Variants in ZNF155 observed in about 807,000 individuals in gnomAD.
ZNF155 encodes zinc finger protein 155.
A neutral mutation model predicts 11.9 loss-of-function variants in ZNF155; 15 were observed. The ratio of observed to expected loss-of-function variants is 1.26; its 90% CI spans 0.84 to 1.94. ZNF155 has a LOEUF of 1.94. Ranked by LOEUF, ZNF155 falls within the 30% of genes most tolerant of loss-of-function variation. The pLI is 0.00. For missense variants in ZNF155, 602 were observed against 639.1 expected, an observed-to-expected ratio of 0.94 and a Z score of 0.63; for synonymous variants, 212 against 219.9, an observed-to-expected ratio of 0.96 and a Z score of 0.32.
chr19:43,996,769 G>A lies in ZNF155; in HGVS notation c.912G>A (p.Lys304=). The stretch of plus-strand genomic sequence containing the variant: ...CCTTCTATTTTAGGTCAAGACTTAA[G>A]AGCCATTCCATGGTTCACACAGGAG... The part of the protein sequence containing the change: ...GKTFYFRSRL[K]SHSMVHTGEK... The change falls in exon 5 of 5, where the codon AAG becomes AAA. Residue 304 remains lysine, a synonymous_variant. Transcript: ENST00000270014. 6.2e-7 allele frequency: 1 copy of A among 1,614,108 alleles called. No homozygotes were observed. The highest frequency in any genetic ancestry group is 8.5e-7 in the Non-Finnish European group (1 of 1,180,012).
intron 4 of ZNF155, 107 bp from the exon 5 acceptor site, chr19:43,995,986 A>G (rs900732354): frequency 1.6e-5 from 22 of 1,382,506 alleles, no homozygotes; most frequent in Non-Finnish European, 1.9e-5. Flanking sequence ...CAAACTGAAC[A>G]TTCTCTGTAT....
At chr19:43,991,421 C>G in intron 2 of ZNF155, 127 bp from the exon 3 acceptor site, 3 of 1,495,072 alleles carry the variant, frequency 2.0e-6, no homozygotes, top group Non-Finnish European at 2.7e-6. Context: ...TGGGAAATCT[C>G]TAAGTTGACC....
intron 4 of ZNF155, among the ~76,000 whole-genome samples, chr19:43,993,134 G>A (rs1477963849): frequency 6.6e-5 from 10 of 152,212 alleles, no homozygotes; most frequent in Admixed American, 6.5e-4. Flanking sequence ...CTAGAAGGGG[G>A]AAGAATGAGG....
In ZNF155 at chr19:43,997,152, A is replaced by G. The variant is rs1401603944; in HGVS notation, c.1295A>G (p.Glu432Gly). ...HSGEKPYKCEECGKGYVTKFN... is the reference protein window; with the variant it reads ...HSGEKPYKCEGCGKGYVTKFN... ...GGTGAAAAGCCATATAAATGTGAGG[A>G]GTGTGGGAAGGGCTATGTTACTAAG... The change falls in exon 5 of 5, where the codon GAG becomes GGG. Residue 432 changes from glutamate to glycine, a missense_variant. Coordinates refer to ENST00000270014, the MANE Select transcript of ZNF155 (RefSeq NM_198089.3). 2.5e-6 allele frequency: 4 copies of G among 1,614,174 alleles called. 1 individual carries two copies. In the South Asian group the frequency reaches 3.3e-5, roughly 13 times the overall value.
chr19:43,991,908 CAG>C lies in ZNF155; in HGVS notation c.210_211del (p.Ala71AsnfsTer14). 1 of 1,613,860 alleles carries C rather than the reference CAG, an allele frequency of 6.2e-7. No homozygotes were observed. The highest frequency in any genetic ancestry group is 8.5e-7 in the Non-Finnish European group (1 of 1,179,864). On this transcript the variant is annotated frameshift_variant, in exon 4 of 5. Coordinates refer to ENST00000270014, the MANE Select transcript of ZNF155 (RefSeq NM_198089.3). LOFTEE classifies it low-confidence loss of function (END_TRUNC). The stretch of plus-strand genomic sequence containing the variant: ...GAAGAAAAGTTTTGGATGATGGGGA[CAG>C]CAACCCAAAGAGAAGGGAATTCAGG...
In ZNF155 at chr19:43,996,799, A is replaced by G; in HGVS notation, c.942A>G (p.Lys314=). ...ATTCCATGGTTCACACAGGAGAAAA[A>G]CCATTTAGGTGTGATACATGTGATA... ...KSHSMVHTGE[K]PFRCDTCDKS... Residue 314 remains lysine, a synonymous_variant, in exon 5 of 5, where the codon AAA becomes AAG. Transcript: ENST00000270014. 6.2e-7 allele frequency: 1 copy of G among 1,614,130 alleles called. No individual in the cohort carries two copies. The highest frequency in any genetic ancestry group is 8.5e-7 in the Non-Finnish European group (1 of 1,180,018).
rs753869678 is a variant in ZNF155, at chr19:43,996,507, C to T, written c.650C>T (p.Ser217Leu). Reference sequence around the variant, plus strand: ...TGTGGCAAGGAATTTAGTCAAAGCTCACATCTGCAAACTCATCAGAGAGTC... The same window carrying T: ...TGTGGCAAGGAATTTAGTCAAAGCTTACATCTGCAAACTCATCAGAGAGTC... ...DVCGKEFSQS[S>L]HLQTHQRVHT... is the part of the protein sequence containing the mutation. The change falls in exon 5 of 5, where the codon TCA becomes TTA. Residue 217 changes from serine (S) to leucine (L), a missense_variant. Coordinates refer to ENST00000270014, the MANE Select transcript of ZNF155 (RefSeq NM_198089.3). 6.2e-7 allele frequency: 1 copy of T among 1,614,088 alleles called. No homozygotes were observed. Among genetic ancestry groups the T allele is most frequent in the Non-Finnish European group, 8.5e-7 (1 of 1,180,036 alleles).
chr19:43,992,088 A>AT (rs1196370740), intron 4 of ZNF155, among the ~76,000 whole-genome samples, 154 bp downstream of exon 4: 1 of 152,140 alleles, frequency 6.6e-6, no homozygotes, highest in Middle Eastern at 3.2e-3. Context: ...TCCCACCCTA[A>AT]TATCTGTTCT....
At position 43,996,445 on chromosome 19, in the gene ZNF155, A is replaced by T. The variant is rs533798564; in HGVS notation, c.588A>T (p.Arg196Ser). 5 of 1,614,230 alleles carry T rather than the reference A, an allele frequency of 3.1e-6. No homozygotes were observed. In the Admixed American group the frequency reaches 8.3e-5, roughly 27 times the overall value. ...CYISALHVHQ[R>S]VHVGEKLFMC... ...TCTCAGCTCTTCATGTTCATCAGAG[A>T]GTCCACGTGGGAGAGAAACTCTTTA... Residue 196 changes from arginine (R) to serine (S), a missense_variant, in exon 5 of 5, where the codon AGA (arginine) becomes AGT (serine). Coordinates refer to ENST00000270014, the MANE Select transcript of ZNF155 (RefSeq NM_198089.3).
chr19:43,986,391 G>A (rs1975442774), intron 1 of ZNF155, among the ~76,000 whole-genome samples: 1 of 150,170 alleles, frequency 6.7e-6, no homozygotes, highest in Non-Finnish European at 1.5e-5. Context: ...TGCTAATAGA[G>A]AATAAACTAG....
chr19:43,991,022 C>G (rs939271183), intron 2 of ZNF155, among the ~76,000 whole-genome samples: 5 of 152,152 alleles, frequency 3.3e-5, no homozygotes, highest in African/African-American at 9.7e-5. Flanking sequence ...AGGACAGGAA[C>G]ATTGCATTGC....
chr19:43,984,363 G>A (rs1975354946), intron 1 of ZNF155, 118 bp downstream of exon 1: 1 of 151,728 alleles, frequency 6.6e-6, no homozygotes, highest in Non-Finnish European at 1.5e-5. Context: ...GGAGATGCGA[G>A]GGGTGGGAGG....
rs60385928 is a variant in ZNF155 at position 43,995,406 on chromosome 19, C to CT, written c.236-667dup. Among the ~76,000 whole-genome samples the CT allele has an allele frequency of 1.3e-3, 124 of 94,192 alleles. 1 individual carries two copies. The highest frequency in any genetic ancestry group is 4.1e-3 in the African/African-American group (113 of 27,624). The allele number at this position is 94,192 out of a possible 152,430, so 61.8% of individuals were successfully genotyped here. On this transcript the variant is annotated intron_variant, in intron 4 of 4. Coordinates refer to ENST00000270014, the MANE Select transcript of ZNF155 (RefSeq NM_198089.3). ...CAGGTGTGAGCCACTGCATCCAGCA[C>CT]TTTTTTTTTTTTTTTTTTTTGAGAC...
chr19:43,990,814 G>A (rs1032160749), intron 2 of ZNF155, among the ~76,000 whole-genome samples: 3 of 152,208 alleles, frequency 2.0e-5, no homozygotes, highest in Non-Finnish European at 4.4e-5. Flanking sequence ...GGCAGCAAGG[G>A]AGCACAGGAG....
intron 1 of ZNF155, among the ~76,000 whole-genome samples, chr19:43,986,183 T>C (rs935327713): frequency 6.6e-6 from 1 of 152,222 alleles, no homozygotes; most frequent in African/African-American, 2.4e-5. Context: ...GGAGAAAACA[T>C]GTTTTAAATT....
intron 1 of ZNF155, among the ~76,000 whole-genome samples, chr19:43,985,292 C>T (rs984303108): frequency 8.6e-5 from 13 of 151,950 alleles, no homozygotes; most frequent in Non-Finnish European, 1.3e-4. Flanking sequence ...AACCTGTGGT[C>T]CTAAGTGATC....
intron 1 of ZNF155, among the ~76,000 whole-genome samples, chr19:43,987,448 C>G (rs1340793851): frequency 6.6e-6 from 1 of 152,158 alleles, no homozygotes; most frequent in Non-Finnish European, 1.5e-5. Flanking sequence ...TGATATATCT[C>G]ATGTTTAGGT....
Position 43,998,070 on chromosome 19 carries a change from C to T in ZNF155, c.*596C>T, listed in dbSNP as rs1163544463. 23 of 115,348 alleles carry T rather than the reference C, an allele frequency of 2.0e-4. 2 individuals are homozygous for T. The highest frequency in any genetic ancestry group is 4.9e-4 in the Admixed American group (5 of 10,234). 7.1% of individuals were successfully genotyped at this position (115,348 alleles called of 1,614,324 possible). ...TAGCCCTTAGGAATAATCACTTCAACTCCTGATTGGTCCCGGGCCAAGCTG... is the reference window on the plus strand; with the variant it reads ...TAGCCCTTAGGAATAATCACTTCAATTCCTGATTGGTCCCGGGCCAAGCTG... On this transcript the variant is annotated 3_prime_UTR_variant, in exon 5 of 5. Coordinates refer to ENST00000270014, the MANE Select transcript of ZNF155 (RefSeq NM_198089.3).
In ZNF155 at chr19:43,997,278, A is replaced by G. The variant is rs1345352474; in HGVS notation, c.1421A>G (p.His474Arg). The G allele has an allele frequency of 5.0e-6, 8 of 1,614,188 alleles. No homozygotes were observed. The highest frequency in any genetic ancestry group is 5.9e-6 in the Non-Finnish European group (7 of 1,180,028). Residue 474 changes from histidine to arginine, a missense_variant, in exon 5 of 5, where the codon CAT becomes CGT. Physicochemically the swap from His to Arg is conservative, Grantham distance 29 (BLOSUM62 0). Coordinates refer to ENST00000270014, the MANE Select transcript of ZNF155 (RefSeq NM_198089.3). ...AGCCGGGCCTCAAGTATTTTGAATC[A>G]TAAGAGACTCCACTGCCAGAAAAAA... ...NFSRASSILN[H>R]KRLHCQKKPF...
Sources: allele counts gnomAD v4.1 joint callset (sites outside exome capture counted in the v4.1 genomes callset), GRCh38; gene constraint gnomAD v4.1.1; transcripts MANE v1.5; gene names NCBI Gene and HGNC (gene_info 2026-07-23, HGNC 2026-07-21).